The following PDE2A variants were observed in gnomAD, a reference collection of about 807,000 sequenced individuals.
PDE2A encodes the protein phosphodiesterase 2A.
A neutral mutation model predicts 133.6 loss-of-function variants in PDE2A; 53 were observed. The ratio of observed to expected loss-of-function variants is 0.40; its 90% CI spans 0.32 to 0.50. The LOEUF is 0.50. Ranked by LOEUF, PDE2A falls within the 20% of genes least tolerant of loss-of-function variation. PDE2A has a pLI of 0.73. For synonymous variants in PDE2A, 491 were observed against 490.2 expected (o/e 1.00, Z -0.02); for missense variants, 796 against 1,232.4 (o/e 0.65, Z 5.30).
chr11:72,588,757 GATC>G (rs1256220507), intron 13 of PDE2A, 24 bp downstream of exon 13: 21 of 1,574,830 alleles, frequency 1.3e-5, no homozygotes, highest in Non-Finnish European at 1.7e-5. Context: ...GACATCTCCT[GATC>G]TGCATCATCC....
chr11:72,633,448 T>A (rs1858522063), intron 2 of PDE2A, among the ~76,000 whole-genome samples: 1 of 152,136 alleles, frequency 6.6e-6, no homozygotes, highest in South Asian at 2.1e-4. Context: ...AGAGTTCAGT[T>A]GTCACAAAGG....
chr11:72,577,999 GT>G (rs1792796420), intron 30 of PDE2A, among the ~76,000 whole-genome samples: 1 of 152,208 alleles, frequency 6.6e-6, no homozygotes, highest in Non-Finnish European at 1.5e-5. Context: ...CCACAAGAAT[GT>G]GAGACAGAGG....
chr11:72,584,075 C>T (rs913274400), intron 19 of PDE2A, 126 bp downstream of exon 19: 1 of 627,682 alleles, frequency 1.6e-6, no homozygotes, highest in Middle Eastern at 4.2e-4. Context: ...ACCCCAGCGG[C>T]GGGACTCTGA....
intron 20 of PDE2A, among the ~76,000 whole-genome samples, chr11:72,582,785 A>G (rs1179186052): frequency 6.6e-6 from 1 of 152,172 alleles, no homozygotes; most frequent in Non-Finnish European, 1.5e-5. Context: ...CTTTATCTGT[A>G]ACAGCATAAC....
At chr11:72,629,260 G>T (rs538528888) in intron 2 of PDE2A, among the ~76,000 whole-genome samples, 33 of 137,016 alleles carry the variant, frequency 2.4e-4, no homozygotes, top group Middle Eastern at 3.4e-3. Context: ...CCTGCAGAGG[G>T]CAGGCAGATG....
intron 2 of PDE2A, chr11:72,630,984 G>A (rs992686495): frequency 1.5e-5 from 15 of 1,023,500 alleles, no homozygotes; most frequent in South Asian, 2.8e-5. Context: ...CAGCCTCCCC[G>A]TCCTCCCAAG....
chr11:72,631,085 C>A (rs770464626), intron 2 of PDE2A: 172 of 1,546,644 alleles, frequency 1.1e-4, no homozygotes, highest in Non-Finnish European at 1.4e-4. Flanking sequence ...CACCTCCAGT[C>A]GGTCGTCTCT....
chr11:72,629,926 C>T (rs995225890), intron 2 of PDE2A, among the ~76,000 whole-genome samples: 1 of 152,144 alleles, frequency 6.6e-6, no homozygotes, highest in South Asian at 2.1e-4. Context: ...CTGATACAAG[C>T]ATCATCTTCC....
intron 2 of PDE2A, among the ~76,000 whole-genome samples, chr11:72,641,374 C>A (rs979469541): frequency 6.6e-6 from 1 of 152,210 alleles, no homozygotes; most frequent in Non-Finnish European, 1.5e-5. Flanking sequence ...GCTCTCTGAG[C>A]CTGCCCCCTC....
chr11:72,602,301 C>T (rs1008577524), intron 4 of PDE2A, among the ~76,000 whole-genome samples: 9 of 152,190 alleles, frequency 5.9e-5, no homozygotes, highest in Non-Finnish European at 1.0e-4. Context: ...CCTCCTCACT[C>T]CCGCCTTGAC....
In PDE2A at chr11:72,576,708, T is replaced by G. The variant is rs1463581679; in HGVS notation, c.*676A>C. ...GGAGGAAGCATGGCTGGCTCATTCA[T>G]ACCTGGGCCTGTCTCCCAGTGCGGG... On this transcript the variant is annotated 3_prime_UTR_variant, in exon 31 of 31. Coordinates refer to ENST00000334456, the MANE Select transcript of PDE2A (RefSeq NM_002599.5). 1 of 169,384 alleles carries G rather than the reference T, an allele frequency of 5.9e-6. No homozygotes were observed. Among genetic ancestry groups the G allele is most frequent in the African/African-American group, 2.4e-5 (1 of 41,514 alleles). 10.5% of individuals were successfully genotyped at this position (169,384 alleles called of 1,614,324 possible).
intron 2 of PDE2A, among the ~76,000 whole-genome samples, chr11:72,628,973 C>T (rs1392790496): frequency 6.6e-6 from 1 of 152,204 alleles, no homozygotes; most frequent in African/African-American, 2.4e-5. Context: ...CCTGGGCACT[C>T]GGGTGGGGTG....
chr11:72,584,554 G>T lies in PDE2A; in HGVS notation c.1534C>A (p.Gln512Lys). The change falls in exon 18 of 31, where the codon CAG becomes AAG. Residue 512 changes from glutamine (Q) to lysine (K), a missense_variant. Physicochemically the swap from Gln to Lys is moderately conservative, Grantham distance 53. This residue lies in a region of PDE2A where 218 missense variants were observed against 465.9 expected (regional missense o/e 0.47). Coordinates refer to ENST00000334456, the MANE Select transcript of PDE2A (RefSeq NM_002599.5). ...CCGCCCGGGCCGCCACGCGCACCCT[G>T]GTTCTCGTTCTTGATGGGGAAGCAG... ...ILCFPIKNEN[Q>K]EVIGVAELVN... is the part of the protein sequence containing the mutation. The T allele has an allele frequency of 6.2e-7, 1 of 1,608,616 alleles. No homozygotes were observed. Among genetic ancestry groups the T allele is most frequent in the Non-Finnish European group, 8.5e-7 (1 of 1,178,406 alleles).
At chr11:72,584,756 G>A (rs1466254532) in intron 17 of PDE2A, 28 bp from the exon 18 acceptor site, 1 of 1,612,146 alleles carries the variant, frequency 6.2e-7, no homozygotes, top group African/African-American at 1.3e-5. Context: ...GAGTCGAGAG[G>A]AAGAAGTTAG....
chr11:72,655,365 G>A (rs1382795673), intron 1 of PDE2A, among the ~76,000 whole-genome samples: 4 of 152,232 alleles, frequency 2.6e-5, no homozygotes, highest in African/African-American at 4.8e-5. Flanking sequence ...TGGGGACAAT[G>A]AGCAGTGACC....
chr11:72,596,209 C>A (rs1856470366), intron 6 of PDE2A, among the ~76,000 whole-genome samples: 1 of 152,174 alleles, frequency 6.6e-6, no homozygotes, highest in Non-Finnish European at 1.5e-5. Context: ...ATTATCCCCA[C>A]CCCATCTGGA....
chr11:72,579,409 C>A (rs897575129), intron 26 of PDE2A, 26 bp from the exon 27 acceptor site: 3 of 1,589,280 alleles, frequency 1.9e-6, no homozygotes, highest in South Asian at 1.1e-5. Flanking sequence ...GGGTGTCATG[C>A]CCTCCTACTG....
chr11:72,660,192 A>G (rs342323), intron 1 of PDE2A, among the ~76,000 whole-genome samples: 2,471 of 152,334 alleles, frequency 0.016, 71 homozygotes, highest in African/African-American at 0.057. Context: ...TACACTTTAA[A>G]TTGGTGATTT....
rs1422571285 is a variant in PDE2A at position 72,580,728 on chromosome 11, CCTAT to C, written c.2134-108_2134-105del. ...GCCCTTCCACCTTTCTCCCCTCCTC[CCTAT>C]CTCAGAGCCAGGGGCAAACCCTGGG... On this transcript the variant is annotated intron_variant, in intron 24 of 30. Coordinates refer to ENST00000334456, the MANE Select transcript of PDE2A (RefSeq NM_002599.5). 2.3e-5 allele frequency: 25 copies of C among 1,092,616 alleles called. No homozygotes were observed. In the East Asian group the frequency reaches 5.9e-4, roughly 26 times the overall value. 67.7% of individuals were successfully genotyped at this position (1,092,616 alleles called of 1,614,324 possible).
Sources: gnomAD v4.1 joint callset for allele counts (sites outside exome capture counted in the v4.1 genomes callset) on GRCh38, gnomAD v4.1.1 for gene constraint, gnomAD v4.1.1 regional missense constraint, MANE v1.5 for transcripts, NCBI Gene and HGNC (gene_info 2026-07-23, HGNC 2026-07-21) for gene names.